Variants in ARHGEF12 observed in about 807,000 individuals in gnomAD.
ARHGEF12 encodes KMT2A/ARHGEF12 fusion protein.
ARHGEF12 carries 66 observed loss-of-function variants against 211.2 expected under a neutral mutation model. That is an observed-to-expected ratio of 0.31 (90% confidence interval 0.26 to 0.38). The LOEUF (loss-of-function observed/expected upper bound fraction) is 0.38. Ranked by LOEUF, ARHGEF12 falls within the 10% of genes least tolerant of loss-of-function variation. The pLI, the probability that ARHGEF12 is intolerant of heterozygous loss-of-function variation, is 1.00. For missense variants in ARHGEF12, 1,429 were observed against 1,869.5 expected, an observed-to-expected ratio of 0.76 and a Z score of 4.34; for synonymous variants, 592 against 638.4, an observed-to-expected ratio of 0.93 and a Z score of 1.09.
chr11:120,397,510 T>C (rs1944426593), intron 1 of ARHGEF12, among the ~76,000 whole-genome samples: 1 of 152,226 alleles, frequency 6.6e-6, no homozygotes, highest in South Asian at 2.1e-4. Flanking sequence ...TTCTTTATTA[T>C]GCTGAAAAAT....
intron 10 of ARHGEF12, among the ~76,000 whole-genome samples, chr11:120,431,293 TTAAA>T (rs956800691): frequency 6.6e-6 from 1 of 151,914 alleles, no homozygotes; most frequent in Non-Finnish European, 1.5e-5. Context: ...CCATCTCAAA[TTAAA>T]TAAATAAATA....
At position 120,406,130 on chromosome 11, in the gene ARHGEF12, A is replaced by G; in HGVS notation, c.45A>G (p.Lys15=). Residue 15 remains lysine (K), a synonymous_variant, in exon 2 of 41, where the codon AAA becomes AAG. Transcript: ENST00000397843. ...QSTITDRFPL[K]KPIRHGSILN... ...TTCTTTGTTTCAGGTTTCCCCTCAAAAAACCTATAAGGTAAGTTTGCTCAA... is the reference window on the plus strand; with the variant it reads ...TTCTTTGTTTCAGGTTTCCCCTCAAGAAACCTATAAGGTAAGTTTGCTCAA... The G allele has an allele frequency of 6.5e-7, 1 of 1,539,548 alleles. No homozygotes were observed. Among genetic ancestry groups the G allele is most frequent in the Non-Finnish European group, 8.7e-7 (1 of 1,147,418 alleles).
intron 1 of ARHGEF12, among the ~76,000 whole-genome samples, chr11:120,357,023 T>TG (rs1943148825): frequency 6.6e-6 from 1 of 152,024 alleles, no homozygotes; most frequent in Admixed American, 6.6e-5. Context: ...TGTTTTTTTT[T>TG]TTGTTTTGTT....
At chr11:120,391,125 T>A (rs983125213) in intron 1 of ARHGEF12, among the ~76,000 whole-genome samples, 1 of 152,196 alleles carries the variant, frequency 6.6e-6, no homozygotes, top group Non-Finnish European at 1.5e-5. Context: ...GTTTTTCACC[T>A]AACCATTCTT....
At chr11:120,471,666 C>T (rs1337650667) in intron 30 of ARHGEF12, among the ~76,000 whole-genome samples, 1 of 152,046 alleles carries the variant, frequency 6.6e-6, no homozygotes, top group Non-Finnish European at 1.5e-5. Context: ...GTAAAGTGTA[C>T]TTATGTCTGT....
Position 120,446,198 on chromosome 11 carries a change from A to AAATAATAATAATAAT in ARHGEF12, c.1346-179_1346-165dup, listed in dbSNP as rs59459827. Among the ~76,000 whole-genome samples, 427 of 140,352 alleles carry AAATAATAATAATAAT rather than the reference A, an allele frequency of 3.0e-3. 2 individuals carry two copies. Among genetic ancestry groups the AAATAATAATAATAAT allele is most frequent in the African/African-American group, 0.01 (402 of 38,410 alleles). 92.1% of individuals were successfully genotyped at this position (140,352 alleles called of 152,430 possible). A position where few individuals can be genotyped will look rare whatever the true frequency, so the allele number is the denominator to read the frequency against. Reference sequence around the variant, plus strand: ...GGGCAACAGAGCAAGACTCCATCTCAAATAATAATAATAATAATAATAATA... The same window carrying AAATAATAATAATAAT: ...GGGCAACAGAGCAAGACTCCATCTCAAATAATAATAATAATAATAATAATAATAATAATAATAATA... On this transcript the variant is annotated intron_variant, in intron 16 of 40. Coordinates refer to ENST00000397843, the MANE Select transcript of ARHGEF12 (RefSeq NM_015313.3).
chr11:120,376,714 C>T (rs1943733924), intron 1 of ARHGEF12, among the ~76,000 whole-genome samples: 1 of 152,054 alleles, frequency 6.6e-6, no homozygotes, highest in Non-Finnish European at 1.5e-5. Flanking sequence ...TGACTGTAAT[C>T]ACTCTGTTAT....
In ARHGEF12 at chr11:120,487,021, TAC is replaced by T. The variant is rs1947413337; in HGVS notation, c.*1946_*1947del. ...GAGGAACAAGTAAAAACCAAATGGT[TAC>T]ATTGTGCTGCTAGAAATAATGTCAT... On this transcript the variant is annotated 3_prime_UTR_variant, in exon 41 of 41. Coordinates refer to ENST00000397843, the MANE Select transcript of ARHGEF12 (RefSeq NM_015313.3). 1 of 216,532 alleles carries T rather than the reference TAC, an allele frequency of 4.6e-6. No individual in the cohort carries two copies. Among genetic ancestry groups the T allele is most frequent in the South Asian group, 1.9e-4 (1 of 5,380 alleles). 13.4% of individuals were successfully genotyped at this position (216,532 alleles called of 1,614,324 possible).
chr11:120,461,998 C>T (rs1304267633), intron 27 of ARHGEF12, among the ~76,000 whole-genome samples: 1 of 107,242 alleles, frequency 9.3e-6, no homozygotes, highest in African/African-American at 3.5e-5. Flanking sequence ...TAGGCTGTTT[C>T]ACTTTCCTCT....
intron 15 of ARHGEF12, among the ~76,000 whole-genome samples, chr11:120,444,017 A>G (rs533755883): frequency 6.6e-6 from 1 of 152,146 alleles, no homozygotes; most frequent in Non-Finnish European, 1.5e-5. Context: ...TGTGGATATC[A>G]AGGGATGACT....
At chr11:120,431,682 T>C in intron 10 of ARHGEF12, 89 bp from the exon 11 acceptor site, 5 of 1,356,112 alleles carry the variant, frequency 3.7e-6, no homozygotes, top group Non-Finnish European at 4.9e-6. Flanking sequence ...TCCATGTAGA[T>C]TGTAGTACCA....
At chr11:120,424,293 G>A (rs1004424277) in intron 6 of ARHGEF12, 65 bp from the exon 7 acceptor site, 4 of 1,110,604 alleles carry the variant, frequency 3.6e-6, no homozygotes, top group Non-Finnish European at 5.4e-6. Flanking sequence ...GATAATTCTT[G>A]AAGTCATTTT....
chr11:120,446,641 G>C (rs1020465096), intron 17 of ARHGEF12, 133 bp downstream of exon 17: 2 of 732,580 alleles, frequency 2.7e-6, no homozygotes, highest in Non-Finnish European at 4.3e-6. Context: ...AAAACATAAT[G>C]AACATCTGGA....
At chr11:120,439,615 A>G (rs1945805982) in intron 12 of ARHGEF12, 3 of 152,418 alleles carry the variant, frequency 2.0e-5, no homozygotes, top group Middle Eastern at 3.4e-3. Context: ...TGTATCATTA[A>G]TGGAAATCTT....
intron 1 of ARHGEF12, among the ~76,000 whole-genome samples, chr11:120,403,067 G>A (rs1225513431): frequency 1.3e-5 from 2 of 152,068 alleles, no homozygotes; most frequent in Non-Finnish European, 2.9e-5. Context: ...ATAACACATC[G>A]GGAAGGGCCA....
In ARHGEF12 at chr11:120,474,642, C is replaced by G. The variant is rs1239604343; in HGVS notation, c.3109+7C>G. ...AATAGAGATAAAACTATTGGTAGGT[C>G]TGATATTGTCTTTTAGTTTTGGGGA... On this transcript the variant is annotated splice_region_variant and intron_variant, in intron 32 of 40. Coordinates refer to ENST00000397843, the MANE Select transcript of ARHGEF12 (RefSeq NM_015313.3). 6.3e-7 allele frequency: 1 copy of G among 1,597,738 alleles called. No individual in the cohort carries two copies. Among genetic ancestry groups the G allele is most frequent in the South Asian group, 1.1e-5 (1 of 87,706 alleles).
In ARHGEF12 at chr11:120,348,024, A is replaced by G. The variant is rs79669495; in HGVS notation, c.32+10749A>G. 6.0e-3 allele frequency among the ~76,000 whole-genome samples: 912 copies of G among 152,322 alleles called. 3 individuals are homozygous for G. Among genetic ancestry groups the G allele is most frequent in the Non-Finnish European group, 1.0e-2 (677 of 68,028 alleles). On this transcript the variant is annotated intron_variant, in intron 1 of 40. Transcript: ENST00000397843. ...CCTTAACTAGCTTCTTTCATTGTGTACAGAGACACTTATATTAAAGTAGTC... is the reference window on the plus strand; with the variant it reads ...CCTTAACTAGCTTCTTTCATTGTGTGCAGAGACACTTATATTAAAGTAGTC...
In ARHGEF12 at chr11:120,337,241, C is replaced by G. The variant is rs773819188; in HGVS notation, c.-3C>G. ...AAAGGAGGACCTCTCGCCAAGGGCC[C>G]CAATGAGTGGCACACAGTCTACTAT... On this transcript the variant is annotated 5_prime_UTR_variant, in exon 1 of 41. Transcript: ENST00000397843. 4.3e-6 allele frequency: 7 copies of G among 1,614,098 alleles called. No homozygotes were observed. Among genetic ancestry groups the G allele is most frequent in the Non-Finnish European group, 5.1e-6 (6 of 1,180,016 alleles).
In ARHGEF12 at chr11:120,428,305, T is replaced by A; in HGVS notation, c.585+58T>A. 2.2e-6 allele frequency: 3 copies of A among 1,364,878 alleles called. No homozygotes were observed. In the South Asian group the frequency reaches 6.3e-5, roughly 29 times the overall value. 84.5% of individuals were successfully genotyped at this position (1,364,878 alleles called of 1,614,324 possible). On this transcript the variant is annotated intron_variant, in intron 8 of 40. Coordinates refer to ENST00000397843, the MANE Select transcript of ARHGEF12 (RefSeq NM_015313.3). ...CAGTCTTATAAGGATGTGTTTACTT[T>A]ATATGGAGAGTTTTCAAGTATTCGG... is the stretch of plus-strand genomic sequence containing the variant.
Sources: allele counts gnomAD v4.1 joint callset (sites outside exome capture counted in the v4.1 genomes callset), GRCh38; gene constraint gnomAD v4.1.1; transcripts MANE v1.5; gene names NCBI Gene and HGNC (gene_info 2026-07-23, HGNC 2026-07-21).